STOX2: variants seen among roughly 807,000 people sequenced by gnomAD.
STOX2 encodes storkhead box 2.
STOX2 carries 28 observed loss-of-function variants against 60.9 expected under a neutral mutation model. The observed-to-expected ratio is 0.46, with a 90% confidence interval of 0.34 to 0.63. The LOEUF is 0.63. Among genes scored for constraint, STOX2 ranks in the 30% least tolerant of loss-of-function variants. The pLI is 0.01. For synonymous variants in STOX2, 472 were observed against 463.9 expected (o/e 1.02, Z -0.22); for missense variants, 1,024 against 1,187.7 (o/e 0.86, Z 2.03).
chr4:183,914,068 G>A (rs929744487), intron 1 of STOX2, among the ~76,000 whole-genome samples: 3 of 152,138 alleles, frequency 2.0e-5, no homozygotes, highest in Non-Finnish European at 4.4e-5. Flanking sequence ...GTACTACCCA[G>A]AATGAACCCA....
chr4:183,845,603 C>T (rs549863666), intron 1 of STOX2, among the ~76,000 whole-genome samples: 2 of 152,058 alleles, frequency 1.3e-5, no homozygotes, highest in Non-Finnish European at 1.5e-5. Flanking sequence ...CTGTAAAGGC[C>T]ATGAAGATAA....
intron 1 of STOX2, among the ~76,000 whole-genome samples, chr4:183,975,236 A>C (rs1440166472): frequency 6.6e-6 from 1 of 152,070 alleles, no homozygotes; most frequent in Non-Finnish European, 1.5e-5. Context: ...TTAGAAAAGA[A>C]AAAAAGAACT....
intron 1 of STOX2, among the ~76,000 whole-genome samples, chr4:183,852,301 GGATGAGAGAAAC>G (rs2111143663): frequency 2.6e-5 from 3 of 117,010 alleles, no homozygotes; most frequent in Admixed American, 7.8e-5. Flanking sequence ...ATGAGGGAAA[GGATGAGAGAAAC>G]GATGAGGGAA....
intron 1 of STOX2, among the ~76,000 whole-genome samples, chr4:183,931,628 C>T (rs1742426607): frequency 6.6e-6 from 1 of 152,124 alleles, no homozygotes; most frequent in Non-Finnish European, 1.5e-5. Flanking sequence ...GTTCACTATA[C>T]CGTAAAGGTA....
At chr4:183,946,364 C>T (rs1666922847) in intron 1 of STOX2, among the ~76,000 whole-genome samples, 1 of 152,120 alleles carries the variant, frequency 6.6e-6, no homozygotes, top group Non-Finnish European at 1.5e-5. Context: ...AAGCACACAG[C>T]AAGAACTTAA....
chr4:183,912,826 A>G (rs1237180496), intron 1 of STOX2, among the ~76,000 whole-genome samples: 1 of 152,208 alleles, frequency 6.6e-6, no homozygotes, highest in East Asian at 1.9e-4. Flanking sequence ...ATGACTTCTT[A>G]GAAAGTTGAA....
intron 1 of STOX2, among the ~76,000 whole-genome samples, chr4:183,857,844 A>C (rs569847619): frequency 6.6e-6 from 1 of 152,236 alleles, no homozygotes; most frequent in South Asian, 2.1e-4. Context: ...CTCTGAGGGT[A>C]TCCCCAGGTT....
At chr4:183,879,479 C>T (rs532559320) in intron 1 of STOX2, among the ~76,000 whole-genome samples, 1 of 152,334 alleles carries the variant, frequency 6.6e-6, no homozygotes, top group African/African-American at 2.4e-5. Flanking sequence ...CGGCTGGGCG[C>T]TGGGATACAG....
intron 1 of STOX2, among the ~76,000 whole-genome samples, chr4:183,939,053 T>G (rs866291360): frequency 6.6e-6 from 1 of 152,224 alleles, no homozygotes; most frequent in Non-Finnish European, 1.5e-5. Flanking sequence ...TTTTCAGATT[T>G]TGGACTTGTA....
intron 1 of STOX2, among the ~76,000 whole-genome samples, chr4:183,847,432 A>G (rs1274097863): frequency 6.6e-6 from 1 of 152,146 alleles, no homozygotes; most frequent in Non-Finnish European, 1.5e-5. Context: ...TGAGTGACAA[A>G]TGTTTATTGG....
At chr4:183,937,236 T>C (rs1476338120) in intron 1 of STOX2, among the ~76,000 whole-genome samples, 2 of 152,210 alleles carry the variant, frequency 1.3e-5, no homozygotes, top group African/African-American at 4.8e-5. Context: ...GGCTCTTTAA[T>C]GTACGTGATA....
chr4:183,901,595 G>GTTTTGT (rs1389708387), upstream of STOX2, among the ~76,000 whole-genome samples: 10 of 130,550 alleles, frequency 7.7e-5, no homozygotes, highest in African/African-American at 3.1e-4. Context: ...TGGTTTTTGG[G>GTTTTGT]TATTTTTTTT....
intron 1 of STOX2, among the ~76,000 whole-genome samples, chr4:183,973,464 A>G (rs995542182): frequency 2.0e-5 from 3 of 152,208 alleles, no homozygotes; most frequent in African/African-American, 7.2e-5. Context: ...ACAAAGGCCA[A>G]AGTAAAGTGG....
intron 1 of STOX2, among the ~76,000 whole-genome samples, chr4:183,826,469 A>T (rs563555913): frequency 1.3e-5 from 2 of 151,998 alleles, no homozygotes; most frequent in African/African-American, 2.4e-5. Flanking sequence ...GAAAGCTGCC[A>T]CTCTGACCTC....
chr4:183,865,404 T>C lies in STOX2; in HGVS notation c.364+67349T>C, dbSNP rs1477664396. 1.3e-5 allele frequency among the ~76,000 whole-genome samples: 2 copies of C among 152,318 alleles called. No individual in the cohort carries two copies. Among genetic ancestry groups the C allele is most frequent in the Admixed American group, 6.5e-5 (1 of 15,298 alleles). On this transcript the variant is annotated intron_variant, in intron 1 of 2. Coordinates refer to the STOX2 transcript ENST00000513034. The surrounding 1 kb of genome is among the most constrained non-coding windows in gnomAD (Gnocchi z 4.1). The stretch of plus-strand genomic sequence containing the variant: ...ATAGAAAAGGCATGAACAATTACTA[T>C]AGAAACTGCCACAAACATATTAAGC...
intron 1 of STOX2, chr4:183,798,068 G>A: frequency 8.1e-7 from 1 of 1,227,054 alleles, no homozygotes; most frequent in Non-Finnish European, 1.0e-6. Flanking sequence ...GAGTGCGACC[G>A]CCGCGCGCCC....
intron 1 of STOX2, among the ~76,000 whole-genome samples, chr4:183,927,173 C>T (rs534881779): frequency 4.2e-4 from 64 of 152,318 alleles, no homozygotes; most frequent in African/African-American, 1.5e-3. Flanking sequence ...GCAGAGCCAA[C>T]GCCAAATAGT....
Position 183,937,995 on chromosome 4 carries a change from GA to G in STOX2, c.166+31043del, listed in dbSNP as rs369113506. 1.1e-3 allele frequency among the ~76,000 whole-genome samples: 165 copies of G among 151,960 alleles called. 1 individual carries two copies. Among genetic ancestry groups the G allele is most frequent in the African/African-American group, 3.6e-3 (151 of 41,460 alleles). Reference sequence around the variant, plus strand: ...AAACCCCTTCTCTACAAAAAAATCAGAAAATTAGCCAGATGTGGGGGTGTGT... The same window carrying G: ...AAACCCCTTCTCTACAAAAAAATCAGAAATTAGCCAGATGTGGGGGTGTGT... On this transcript the variant is annotated intron_variant, in intron 1 of 3. Transcript: ENST00000308497.
At chr4:183,957,188 GA>G (rs1302444992) in intron 1 of STOX2, among the ~76,000 whole-genome samples, 4 of 127,790 alleles carry the variant, frequency 3.1e-5, no homozygotes, top group Non-Finnish European at 5.2e-5. Context: ...AATAATAAAA[GA>G]AAAAACACTG....
Sources: allele counts gnomAD v4.1 joint callset (sites outside exome capture counted in the v4.1 genomes callset), GRCh38; gene constraint gnomAD v4.1.1; non-coding constraint Gnocchi (gnomAD v3.1); transcripts MANE v1.5; gene names NCBI Gene and HGNC (gene_info 2026-07-23, HGNC 2026-07-21).